Variants in MAP2 observed in about 807,000 individuals in gnomAD.
MAP2 encodes microtubule associated protein 2.
Under a neutral mutation model 137.6 loss-of-function variants are expected in MAP2, and 14 were observed. The observed-to-expected ratio is 0.10, with a 90% confidence interval of 0.07 to 0.16. MAP2 has a LOEUF of 0.16. Among genes scored for constraint, MAP2 ranks in the 10% least tolerant of loss-of-function variants. The probability of loss-of-function intolerance (pLI) is 1.00; values close to 1 mark genes in which losing one functional copy is unlikely to be tolerated. For missense variants in MAP2, 2,088 were observed against 2,191.5 expected, an observed-to-expected ratio of 0.95 and a Z score of 0.94; for synonymous variants, 786 against 782.3, an observed-to-expected ratio of 1.00 and a Z score of -0.08.
At chr2:209,655,732 A>G (rs946923810) in intron 5 of MAP2, among the ~76,000 whole-genome samples, 8 of 152,212 alleles carry the variant, frequency 5.3e-5, no homozygotes, top group Non-Finnish European at 7.3e-5. Flanking sequence ...CCAGGGATCT[A>G]TACATCAGCT....
intron 5 of MAP2, among the ~76,000 whole-genome samples, chr2:209,657,484 A>G (rs1435323450): frequency 6.6e-6 from 1 of 152,124 alleles, no homozygotes; most frequent in Non-Finnish European, 1.5e-5. Flanking sequence ...CTGGTATAAG[A>G]TGATATCTCA....
At chr2:209,558,441 A>C (rs1216020603) in intron 2 of MAP2, among the ~76,000 whole-genome samples, 2 of 152,000 alleles carry the variant, frequency 1.3e-5, no homozygotes, top group East Asian at 3.9e-4. Flanking sequence ...TGCCTGCCTC[A>C]GCCTCCCAGC....
At chr2:209,548,402 C>G (rs1559306571) in intron 2 of MAP2, among the ~76,000 whole-genome samples, 1 of 152,200 alleles carries the variant, frequency 6.6e-6, no homozygotes, top group Non-Finnish European at 1.5e-5. Flanking sequence ...CTGATACCCA[C>G]CAGATATTCT....
At chr2:209,554,724 CA>C (rs1438136589) in intron 2 of MAP2, among the ~76,000 whole-genome samples, 1 of 151,484 alleles carries the variant, frequency 6.6e-6, no homozygotes, top group Non-Finnish European at 1.5e-5. Flanking sequence ...CACTGCACAC[CA>C]GCCTAGGCAA....
chr2:209,650,346 A>G (rs553240030), intron 4 of MAP2, among the ~76,000 whole-genome samples: 1 of 152,324 alleles, frequency 6.6e-6, no homozygotes, highest in East Asian at 1.9e-4. Flanking sequence ...TCAAATATCC[A>G]GTAGCGTATC....
intron 3 of MAP2, among the ~76,000 whole-genome samples, chr2:209,582,657 T>TAGATAGATGATA (rs1553604009): frequency 1.3e-5 from 2 of 149,632 alleles, no homozygotes; most frequent in Non-Finnish European, 3.0e-5. Context: ...GATAGATAGA[T>TAGATAGATGATA]GATAGATAGA....
At chr2:209,452,757 T>C (rs1169047543) in intron 1 of MAP2, among the ~76,000 whole-genome samples, 1 of 152,200 alleles carries the variant, frequency 6.6e-6, no homozygotes, top group African/African-American at 2.4e-5. Context: ...CCAACGGTTC[T>C]TTATGCAACC....
At position 209,573,750 on chromosome 2, in the gene MAP2, A is replaced by G. The variant is rs539862703; in HGVS notation, c.-171-6286A>G. Among the ~76,000 whole-genome samples, 326 of 152,284 alleles carry G rather than the reference A, an allele frequency of 2.1e-3. 2 individuals are homozygous for G. Among genetic ancestry groups the G allele is most frequent in the Non-Finnish European group, 3.0e-3 (204 of 68,016 alleles). ...TTTCAGAACATTTTCATTACCCCAG[A>G]AAGAAGGCCCTACGCATTAGTTGTC... On this transcript the variant is annotated intron_variant, in intron 2 of 15. Transcript: ENST00000682079.
At chr2:209,632,015 C>T (rs907153633) in intron 4 of MAP2, among the ~76,000 whole-genome samples, 3 of 152,154 alleles carry the variant, frequency 2.0e-5, no homozygotes, top group African/African-American at 7.2e-5. Flanking sequence ...CCGTGGGCAA[C>T]ACGGTTTCTG....
intron 5 of MAP2, among the ~76,000 whole-genome samples, chr2:209,653,681 T>C (rs2094948495): frequency 6.6e-6 from 1 of 152,214 alleles, no homozygotes; most frequent in Non-Finnish European, 1.5e-5. Context: ...GCTGAGTATA[T>C]GTATGTTTTG....
At chr2:209,697,785 ACT>A (rs1010155704) in intron 10 of MAP2, among the ~76,000 whole-genome samples, 16 of 152,148 alleles carry the variant, frequency 1.1e-4, no homozygotes, top group Admixed American at 3.3e-4. Flanking sequence ...TGAAGCTAAA[ACT>A]CTTCCTTTTA....
chr2:209,455,287 A>G (rs1254687330), intron 1 of MAP2, among the ~76,000 whole-genome samples: 3 of 152,238 alleles, frequency 2.0e-5, no homozygotes, highest in Non-Finnish European at 4.4e-5. Context: ...ATGATAGATA[A>G]TCTGTCCAAG....
intron 3 of MAP2, among the ~76,000 whole-genome samples, chr2:209,611,799 A>G (rs2086976604): frequency 3.3e-5 from 5 of 152,268 alleles, no homozygotes; most frequent in Admixed American, 2.0e-4. Context: ...GACACTTTCT[A>G]AAAGAAGCTC....
intron 2 of MAP2, among the ~76,000 whole-genome samples, chr2:209,519,137 T>G (rs2062920904): frequency 6.6e-6 from 1 of 152,158 alleles, no homozygotes; most frequent in East Asian, 1.9e-4. Context: ...GAAAACACTT[T>G]TACTATTAAG....
chr2:209,656,809 G>C (rs2095177481), intron 5 of MAP2, among the ~76,000 whole-genome samples: 2 of 152,114 alleles, frequency 1.3e-5, no homozygotes, highest in Non-Finnish European at 1.5e-5. Flanking sequence ...GGGGATACAA[G>C]TGCAGTTTTG....
chr2:209,538,762 A>C (rs1282223561), intron 2 of MAP2, among the ~76,000 whole-genome samples: 1 of 152,284 alleles, frequency 6.6e-6, no homozygotes, highest in Non-Finnish European at 1.5e-5. Context: ...TTTCTTTCCT[A>C]ACATTGATGA....
At chr2:209,715,275 C>T (rs1382925737) in intron 13 of MAP2, among the ~76,000 whole-genome samples, 4 of 151,986 alleles carry the variant, frequency 2.6e-5, no homozygotes. Flanking sequence ...AATATTATAG[C>T]ATCAATCTTG....
At chr2:209,660,750 T>A (rs1438717204) in intron 5 of MAP2, among the ~76,000 whole-genome samples, 1 of 106,174 alleles carries the variant, frequency 9.4e-6, no homozygotes, top group African/African-American at 3.5e-5. Flanking sequence ...TATTATTATT[T>A]TGAGACCGAG....
At chr2:209,442,376 A>G (rs1021392058) in intron 1 of MAP2, among the ~76,000 whole-genome samples, 5 of 151,620 alleles carry the variant, frequency 3.3e-5, no homozygotes, top group East Asian at 1.9e-4. Context: ...ACATTGATCA[A>G]TGATTTTGCC....
Sources: gnomAD v4.1 joint callset for allele counts (sites outside exome capture counted in the v4.1 genomes callset) on GRCh38, gnomAD v4.1.1 for gene constraint, MANE v1.5 for transcripts, NCBI Gene and HGNC (gene_info 2026-07-23, HGNC 2026-07-21) for gene names.